Variants in SMIM27 observed in about 807,000 individuals in gnomAD.
SMIM27 encodes transition zone microprotein 1, also known as TOPORS antisense RNA 1 (non-protein coding).
SMIM27 carries 3 observed loss-of-function variants against 1.8 expected under a neutral mutation model. That is an observed-to-expected ratio of 1.65 (90% CI 0.75 to 4.28). The LOEUF is 4.28. Ranked by LOEUF, SMIM27 falls within the 30% of genes most tolerant of loss-of-function variation. The pLI is 0.02. For missense variants in SMIM27, 63 were observed against 37.0 expected, an observed-to-expected ratio of 1.70 and a Z score of -1.83; for synonymous variants, 19 against 13.9, an observed-to-expected ratio of 1.37 and a Z score of -0.82.
At chr9:32,555,671 A>C (rs745347665), downstream of SMIM27, among the ~76,000 whole-genome samples, 20 of 152,366 alleles carry the variant, frequency 1.3e-4, no homozygotes, top group Non-Finnish European at 1.8e-4. Context: ...AAATTAAAAC[A>C]ACCTCTGGCA....
chr9:32,555,052 G>A (rs1472874298), downstream of SMIM27, among the ~76,000 whole-genome samples: 1 of 151,466 alleles, frequency 6.6e-6, no homozygotes, highest in Non-Finnish European at 1.5e-5. Flanking sequence ...TGGAGAGGAC[G>A]AGAGAACACT....
At chr9:32,551,280 A>C, upstream of SMIM27, 1 of 532,380 alleles carries the variant, frequency 1.9e-6, no homozygotes, top group Non-Finnish European at 3.4e-6. Flanking sequence ...ATGTCGTTTC[A>C]ACCTTACCAA....
chr9:32,553,273 C>T (rs561920555), downstream of SMIM27: 4 of 190,646 alleles, frequency 2.1e-5, no homozygotes, highest in South Asian at 3.3e-4. Context: ...ACTGCAAGCT[C>T]CGCCTTCTGG....
rs751722809 is a variant in SMIM27 at position 32,552,392 on chromosome 9, G to GCAGCTCCCGC, written c.-32_-23dup. Reference sequence around the variant, plus strand: ...CGCCTGGGAGGTTACTGTAAGGCCCGCAGCTCCCGCCAGCTCCCGCGGACT... The same window carrying GCAGCTCCCGC: ...CGCCTGGGAGGTTACTGTAAGGCCCGCAGCTCCCGCCAGCTCCCGCCAGCTCCCGCGGACT... On this transcript the variant is annotated 5_prime_UTR_variant, in exon 1 of 2. Transcript: ENST00000692500. 6.8e-6 allele frequency: 11 copies of GCAGCTCCCGC among 1,606,488 alleles called. No homozygotes were observed. Among genetic ancestry groups the GCAGCTCCCGC allele is most frequent in the Admixed American group, 1.7e-5 (1 of 59,134 alleles).
chr9:32,561,866 G>A (rs1381352557), intron 1 of SMIM27, among the ~76,000 whole-genome samples: 1 of 152,048 alleles, frequency 6.6e-6, no homozygotes, highest in East Asian at 1.9e-4. Flanking sequence ...CTACTAAAAC[G>A]CAATGGCCTC....
exon 2 of SMIM27, chr9:32,566,770 C>T (rs1563996669): frequency 7.7e-6 from 7 of 905,074 alleles, no homozygotes; most frequent in African/African-American, 3.3e-5. Context: ...GTGTCGGCTG[C>T]GACGTTCTGG....
At chr9:32,558,782 C>T in intron 1 of SMIM27, 2 of 563,954 alleles carry the variant, frequency 3.5e-6, no homozygotes, top group Admixed American at 3.1e-5. Flanking sequence ...TACAAGAATA[C>T]ACAAAACAGG....
downstream of SMIM27, among the ~76,000 whole-genome samples, chr9:32,555,095 C>CAA (rs11391859): frequency 1.4e-4 from 20 of 138,560 alleles, no homozygotes; most frequent in Admixed American, 4.3e-4. Context: ...TGTTCCTGAC[C>CAA]AAAAAAAAAA....
At chr9:32,559,282 C>G (rs940600308) in intron 1 of SMIM27, among the ~76,000 whole-genome samples, 1 of 152,080 alleles carries the variant, frequency 6.6e-6, no homozygotes, top group African/African-American at 2.4e-5. Flanking sequence ...AAGAATATAC[C>G]CTGAATCCAA....
intron 1 of SMIM27, among the ~76,000 whole-genome samples, chr9:32,558,237 G>A (rs1011997366): frequency 4.0e-5 from 6 of 151,312 alleles, no homozygotes; most frequent in East Asian, 1.9e-4. Context: ...TCAGCCTCTC[G>A]AGTAGCTGGG....
chr9:32,553,173 A>G (rs17218354), downstream of SMIM27: 137,866 of 342,892 alleles, frequency 0.4, 29,990 homozygotes, highest in South Asian at 0.47. Context: ...TCAAGTTTCT[A>G]AATTCTTCAA....
upstream of SMIM27, chr9:32,551,217 CACTG>C (rs1400224440): frequency 5.0e-5 from 30 of 598,714 alleles, no homozygotes; most frequent in Non-Finnish European, 8.1e-5. Flanking sequence ...CCACTGGGGA[CACTG>C]ACTGAATGTT....
chr9:32,551,701 C>T (rs1821266333), upstream of SMIM27: 1 of 365,334 alleles, frequency 2.7e-6, no homozygotes, highest in South Asian at 1.9e-5. Flanking sequence ...CTGGTACGCT[C>T]GCCCACCAAA....
At chr9:32,555,521 C>G (rs1821431752), downstream of SMIM27, among the ~76,000 whole-genome samples, 2 of 152,226 alleles carry the variant, frequency 1.3e-5, no homozygotes, top group African/African-American at 4.8e-5. Flanking sequence ...ATAGGAAAAA[C>G]AGATACTGGC....
chr9:32,561,714 CATAA>C (rs1821632124), intron 1 of SMIM27, among the ~76,000 whole-genome samples: 1 of 152,172 alleles, frequency 6.6e-6, no homozygotes, highest in African/African-American at 2.4e-5. Flanking sequence ...ATTTTGCAGT[CATAA>C]ATGACTGTGA....
downstream of SMIM27, chr9:32,553,507 C>A (rs185926174): frequency 4.4e-3 from 917 of 206,166 alleles, 3 homozygotes; most frequent in African/African-American, 0.019. Flanking sequence ...TTCCTTAAAA[C>A]AAAAGTGCAT....
intron 1 of SMIM27, among the ~76,000 whole-genome samples, chr9:32,563,461 TCAGCC>T (rs1429202473): frequency 1.4e-5 from 2 of 146,024 alleles, no homozygotes; most frequent in African/African-American, 5.1e-5. Context: ...TCCTCCTGCT[TCAGCC>T]TCCTGAACAG....
chr9:32,559,588 T>A (rs1821570243), intron 1 of SMIM27, among the ~76,000 whole-genome samples: 1 of 152,212 alleles, frequency 6.6e-6, no homozygotes, highest in Non-Finnish European at 1.5e-5. Context: ...TCAAGGCCTC[T>A]GTACTTCATG....
intron 1 of SMIM27, 150 bp downstream of exon 1, chr9:32,552,629 G>T: frequency 1.4e-6 from 1 of 716,434 alleles, no homozygotes; most frequent in Non-Finnish European, 2.5e-6. Flanking sequence ...CTTCCTGGAG[G>T]ATACGATCTT....
Sources: allele counts gnomAD v4.1 joint callset (sites outside exome capture counted in the v4.1 genomes callset), GRCh38; gene constraint gnomAD v4.1.1; transcripts MANE v1.5; gene names NCBI Gene and HGNC (gene_info 2026-07-23, HGNC 2026-07-21).